Variants in CNBD1 observed in about 807,000 individuals in gnomAD.
CNBD1 encodes cyclic nucleotide binding domain containing 1, also known as cyclic nucleotide-binding domain-containing protein 1.
A neutral mutation model predicts 54.4 loss-of-function variants in CNBD1; 71 were observed. The ratio of observed to expected loss-of-function variants is 1.30; its 90% CI spans 1.08 to 1.59. The LOEUF (loss-of-function observed/expected upper bound fraction) is 1.59. Ranked by LOEUF, CNBD1 falls within the 40% of genes most tolerant of loss-of-function variation. The probability of loss-of-function intolerance (pLI) is 0.00; values close to 1 mark genes in which losing one functional copy is unlikely to be tolerated. For synonymous variants in CNBD1, 182 were observed against 170.7 expected, an observed-to-expected ratio of 1.07 and a Z score of -0.51; for missense variants, 659 against 518.0, an observed-to-expected ratio of 1.27 and a Z score of -2.64.
At chr8:87,368,117 A>G (rs1042334074) in intron 10 of CNBD1, among the ~76,000 whole-genome samples, 87 of 151,808 alleles carry the variant, frequency 5.7e-4, no homozygotes, top group African/African-American at 2.1e-3. Flanking sequence ...AGCCTAGATC[A>G]CACCATTTCA....
At chr8:87,352,890 G>A (rs1475464447) in intron 9 of CNBD1, among the ~76,000 whole-genome samples, 2 of 152,090 alleles carry the variant, frequency 1.3e-5, no homozygotes, top group Admixed American at 6.6e-5. Context: ...AAGTTATATT[G>A]GATTTGACTC....
chr8:86,894,902 G>T lies in CNBD1; in HGVS notation c.158+7291G>T, dbSNP rs555618342. On this transcript the variant is annotated intron_variant, in intron 2 of 10. Transcript: ENST00000518476. ...TAAATTTATTTCTCACACTTCTGGAGGCTGGGAAGTCAAAGGGCATGAGAC... is the reference window on the plus strand; with the variant it reads ...TAAATTTATTTCTCACACTTCTGGATGCTGGGAAGTCAAAGGGCATGAGAC... Among the ~76,000 whole-genome samples, 145 of 152,232 alleles carry T rather than the reference G, an allele frequency of 9.5e-4. 1 individual carries two copies. In the Middle Eastern group the frequency reaches 0.01, roughly 11 times the overall value.
At chr8:87,358,808 T>G (rs1009547419) in intron 10 of CNBD1, among the ~76,000 whole-genome samples, 8 of 152,120 alleles carry the variant, frequency 5.3e-5, no homozygotes, top group African/African-American at 1.9e-4. Flanking sequence ...GGCAGTTGTA[T>G]TAAGTCCTGG....
At position 87,084,224 on chromosome 8, in the gene CNBD1, A is replaced by G. The variant is rs190919827; in HGVS notation, c.432-121769A>G. ...TTAAACAGTAGTGTCTTATAAAGAC[A>G]TTTTTAAAAAGTTTTAAAATCTGTA... On this transcript the variant is annotated intron_variant, in intron 4 of 10. Coordinates refer to ENST00000518476, the MANE Select transcript of CNBD1 (RefSeq NM_173538.3). 2.6e-3 allele frequency among the ~76,000 whole-genome samples: 397 copies of G among 152,330 alleles called. 1 individual carries two copies. Among genetic ancestry groups the G allele is most frequent in the African/African-American group, 7.7e-3 (319 of 41,580 alleles).
intron 4 of CNBD1, among the ~76,000 whole-genome samples, chr8:87,087,288 T>TACATATATATATACGTATATATATATAG (rs1563463393): frequency 1.1e-3 from 164 of 145,678 alleles, no homozygotes; most frequent in African/African-American, 4.0e-3. Context: ...TATATATATA[T>TACATATATATATACGTATATATATATAG]ATATTTTTTA....
At chr8:87,149,031 G>A (rs557549675) in intron 4 of CNBD1, among the ~76,000 whole-genome samples, 3 of 152,184 alleles carry the variant, frequency 2.0e-5, no homozygotes, top group Non-Finnish European at 4.4e-5. Context: ...TATCACAAAG[G>A]TGGTGGTCTA....
intron 2 of CNBD1, among the ~76,000 whole-genome samples, chr8:87,399,094 G>C (rs1811456752): frequency 6.6e-6 from 1 of 151,910 alleles, no homozygotes. Flanking sequence ...CATTATAATG[G>C]AACAGTATAT....
At chr8:87,021,691 T>C (rs1809491360) in intron 4 of CNBD1, among the ~76,000 whole-genome samples, 1 of 152,230 alleles carries the variant, frequency 6.6e-6, no homozygotes, top group Non-Finnish European at 1.5e-5. Context: ...TGCTGTTTTA[T>C]ACTTCAAAGT....
At chr8:87,066,786 A>G (rs917972280) in intron 4 of CNBD1, among the ~76,000 whole-genome samples, 1 of 151,974 alleles carries the variant, frequency 6.6e-6, no homozygotes, top group African/African-American at 2.4e-5. Flanking sequence ...AGTTTCAAAA[A>G]TTGTGATTAA....
At chr8:87,035,660 A>G (rs1307579657) in intron 4 of CNBD1, among the ~76,000 whole-genome samples, 1 of 152,114 alleles carries the variant, frequency 6.6e-6, no homozygotes, top group African/African-American at 2.4e-5. Context: ...TGTTTGTGGC[A>G]GTTATGATGA....
chr8:87,223,576 C>A (rs143389440), intron 5 of CNBD1, among the ~76,000 whole-genome samples: 6,132 of 152,120 alleles, frequency 0.04, 402 homozygotes, highest in African/African-American at 0.13. Context: ...TGAACTCATC[C>A]TTTTTTATGG....
intron 8 of CNBD1, among the ~76,000 whole-genome samples, chr8:87,330,732 G>A (rs531347952): frequency 6.6e-6 from 1 of 152,206 alleles, no homozygotes; most frequent in South Asian, 2.1e-4. Flanking sequence ...AATGTTCTAT[G>A]TTCAGATAAG....
intron 4 of CNBD1, among the ~76,000 whole-genome samples, chr8:87,048,177 A>T (rs1810240197): frequency 7.2e-5 from 11 of 152,046 alleles, no homozygotes; most frequent in Admixed American, 7.2e-4. Context: ...CACTAACACC[A>T]AGTCTTCTGG....
At chr8:87,203,915 G>C (rs904233141) in intron 4 of CNBD1, among the ~76,000 whole-genome samples, 9 of 152,304 alleles carry the variant, frequency 5.9e-5, no homozygotes, top group African/African-American at 2.2e-4. Context: ...CAACATTGCT[G>C]TTTTGCTGGG....
At chr8:87,376,921 C>A (rs2130954659) in intron 10 of CNBD1, among the ~76,000 whole-genome samples, 1 of 151,344 alleles carries the variant, frequency 6.6e-6, no homozygotes, top group East Asian at 2.0e-4. Flanking sequence ...TACTTGAGGA[C>A]ACATGTCTAA....
At chr8:86,975,655 A>T (rs1234839220) in intron 4 of CNBD1, among the ~76,000 whole-genome samples, 1 of 152,028 alleles carries the variant, frequency 6.6e-6, no homozygotes, top group Non-Finnish European at 1.5e-5. Flanking sequence ...TTGTTTCTAT[A>T]TCTTGACTAT....
intron 4 of CNBD1, among the ~76,000 whole-genome samples, chr8:87,025,026 A>C (rs899072539): frequency 6.6e-6 from 1 of 152,162 alleles, no homozygotes; most frequent in Non-Finnish European, 1.5e-5. Flanking sequence ...AGATGAATGA[A>C]ATTCAGAATA....
intron 2 of CNBD1, among the ~76,000 whole-genome samples, chr8:86,899,473 T>G (rs1237341974): frequency 6.6e-6 from 1 of 152,176 alleles, no homozygotes; most frequent in Non-Finnish European, 1.5e-5. Flanking sequence ...TTAAAGATAC[T>G]AAAAATATAT....
At chr8:87,319,261 T>C (rs1223699787) in intron 8 of CNBD1, among the ~76,000 whole-genome samples, 1 of 152,094 alleles carries the variant, frequency 6.6e-6, no homozygotes, top group East Asian at 1.9e-4. Context: ...GGGTAATAAT[T>C]CAATGCTTGA....
Sources: allele counts gnomAD v4.1 joint callset (sites outside exome capture counted in the v4.1 genomes callset), GRCh38; gene constraint gnomAD v4.1.1; transcripts MANE v1.5; gene names NCBI Gene and HGNC (gene_info 2026-07-23, HGNC 2026-07-21).